The following FSTL5 variants were observed in gnomAD, a reference collection of about 807,000 sequenced individuals.
FSTL5 encodes the protein follistatin-related protein 5.
A neutral mutation model predicts 89.1 loss-of-function variants in FSTL5; 62 were observed. That is an observed-to-expected ratio of 0.70 (90% CI 0.57 to 0.86). The LOEUF (loss-of-function observed/expected upper bound fraction) is 0.86. FSTL5 is among the 40% of genes least tolerant of loss of function. FSTL5 has a pLI of 0.00. For synonymous variants in FSTL5, 383 were observed against 346.2 expected (o/e 1.11, Z -1.18); for missense variants, 1,057 against 1,001.6 (o/e 1.06, Z -0.75).
intron 4 of FSTL5, among the ~76,000 whole-genome samples, chr4:161,840,777 C>T (rs755792740): frequency 6.6e-6 from 1 of 152,062 alleles, no homozygotes; most frequent in Non-Finnish European, 1.5e-5. Context: ...AAGTTGGGGC[C>T]TTTTCCAGAT....
intron 3 of FSTL5, among the ~76,000 whole-genome samples, chr4:161,977,639 A>T (rs57698770): frequency 0.8 from 82,028 of 102,332 alleles, 33,232 homozygotes; most frequent in Middle Eastern, 0.9. Context: ...AAAAAAAAAA[A>T]AATAATAATA....
At chr4:161,778,980 A>G (rs1005386157) in intron 4 of FSTL5, among the ~76,000 whole-genome samples, 10 of 152,256 alleles carry the variant, frequency 6.6e-5, no homozygotes, top group Admixed American at 4.6e-4. Context: ...ATTTCTATCA[A>G]CTGCCAGTGG....
chr4:161,952,487 C>T (rs746288502), intron 3 of FSTL5, among the ~76,000 whole-genome samples: 8 of 151,834 alleles, frequency 5.3e-5, no homozygotes, highest in Non-Finnish European at 7.4e-5. Flanking sequence ...GCCAAAGCTT[C>T]AAAATATGTC....
At chr4:162,033,178 T>A (rs771801762) in intron 3 of FSTL5, among the ~76,000 whole-genome samples, 1 of 152,180 alleles carries the variant, frequency 6.6e-6, no homozygotes, top group South Asian at 2.1e-4. Flanking sequence ...TATGCCATAC[T>A]AGGAGCTATT....
chr4:161,726,443 G>T (rs912446782), intron 6 of FSTL5, among the ~76,000 whole-genome samples: 1 of 151,802 alleles, frequency 6.6e-6, no homozygotes, highest in Non-Finnish European at 1.5e-5. Context: ...GGTCAGGCTG[G>T]TCTGGAACTC....
chr4:161,976,520 C>G (rs773175154), intron 3 of FSTL5, among the ~76,000 whole-genome samples: 1 of 152,006 alleles, frequency 6.6e-6, no homozygotes, highest in Non-Finnish European at 1.5e-5. Context: ...CTTGCTCTGT[C>G]GCCCAGGCTG....
chr4:161,594,674 C>G (rs768484570), intron 7 of FSTL5, among the ~76,000 whole-genome samples: 3 of 151,898 alleles, frequency 2.0e-5, no homozygotes, highest in African/African-American at 7.2e-5. Context: ...CCAAAATTTT[C>G]TTTAATAAAC....
At chr4:161,914,746 T>C (rs916601837) in intron 4 of FSTL5, among the ~76,000 whole-genome samples, 1 of 152,120 alleles carries the variant, frequency 6.6e-6, no homozygotes, top group Non-Finnish European at 1.5e-5. Flanking sequence ...GAATATAAAC[T>C]CAAAAGAAAA....
In FSTL5 at chr4:161,450,498, T is replaced by C. The variant is rs145830820; in HGVS notation, c.1841+4506A>G. ...ATTAGCCATGTAATTTTTAAAAAGT[T>C]AACAATAGTAGAATTACAATATTAT... On this transcript the variant is annotated intron_variant, in intron 15 of 15. Coordinates refer to ENST00000306100, the MANE Select transcript of FSTL5 (RefSeq NM_020116.5). Among the ~76,000 whole-genome samples the C allele has an allele frequency of 2.0e-3, 312 of 152,280 alleles. 1 individual carries two copies. Among genetic ancestry groups the C allele is most frequent in the African/African-American group, 7.3e-3 (305 of 41,568 alleles).
At chr4:161,792,086 G>A (rs1233352351) in intron 4 of FSTL5, among the ~76,000 whole-genome samples, 2 of 152,116 alleles carry the variant, frequency 1.3e-5, no homozygotes, top group South Asian at 2.1e-4. Context: ...TCCATCCCCC[G>A]CAGGCTTGGA....
chr4:161,707,066 A>G (rs561218685), intron 6 of FSTL5, among the ~76,000 whole-genome samples: 1 of 151,704 alleles, frequency 6.6e-6, no homozygotes, highest in African/African-American at 2.4e-5. Flanking sequence ...TACCTGTTGT[A>G]ATGCACTTAT....
chr4:162,123,001 T>C (rs1275120391), intron 1 of FSTL5, among the ~76,000 whole-genome samples: 3 of 152,104 alleles, frequency 2.0e-5, no homozygotes, highest in East Asian at 1.9e-4. Flanking sequence ...TAAGGAAGAA[T>C]ACAGCTCTTA....
At chr4:162,015,382 C>T (rs1736887869) in intron 3 of FSTL5, among the ~76,000 whole-genome samples, 1 of 152,156 alleles carries the variant, frequency 6.6e-6, no homozygotes, top group Non-Finnish European at 1.5e-5. Flanking sequence ...TTAGCTCTTC[C>T]TTCAGTCATG....
Position 161,521,864 on chromosome 4 carries a change from AG to A in FSTL5, c.1313-11441del, listed in dbSNP as rs67200593. Among the ~76,000 whole-genome samples the A allele has an allele frequency of 2.0e-3, 255 of 126,404 alleles. 46 individuals are homozygous for A. The highest frequency in any genetic ancestry group is 4.3e-3 in the Middle Eastern group (1 of 232). The allele number at this position is 126,404 out of a possible 152,430, so 82.9% of individuals were successfully genotyped here. ...ACTCCACCTCAAAAAAAAAAAAAAA[AG>A]AAAAAAAAAGAAAAAAAGGTTATGA... On this transcript the variant is annotated intron_variant, in intron 10 of 15. Transcript: ENST00000306100.
intron 4 of FSTL5, among the ~76,000 whole-genome samples, chr4:161,822,750 G>T (rs1209884560): frequency 1.3e-5 from 2 of 152,174 alleles, no homozygotes; most frequent in South Asian, 2.1e-4. Flanking sequence ...TTTCAGGCCC[G>T]CATTCAGCAT....
Position 161,386,363 on chromosome 4 carries a change from T to C in FSTL5, c.1928A>G (p.Lys643Arg), listed in dbSNP as rs1730644100. 4 of 1,613,748 alleles carry C rather than the reference T, an allele frequency of 2.5e-6. No individual in the cohort carries two copies. The highest frequency in any genetic ancestry group is 1.3e-5 in the African/African-American group (1 of 74,920). ...TGACTGAGGAACGCACTTATAGTCC[T>C]TCAAGTTAATTGTCTTGATGTATGA... ...TMSYIKTINL[K>R]DYKCVPQSLA... Residue 643 changes from lysine to arginine, a missense_variant, in exon 16 of 16, where the codon AAG becomes AGG. Coordinates refer to ENST00000306100, the MANE Select transcript of FSTL5 (RefSeq NM_020116.5).
intron 4 of FSTL5, among the ~76,000 whole-genome samples, chr4:161,846,048 CAAA>C (rs34298769): frequency 2.8e-5 from 4 of 144,136 alleles, no homozygotes; most frequent in Non-Finnish European, 3.0e-5. Context: ...GACTCCGTCT[CAAA>C]AAAAAAAAAA....
intron 2 of FSTL5, among the ~76,000 whole-genome samples, chr4:162,085,526 CAT>C (rs10588750): frequency 3.3e-5 from 5 of 151,928 alleles, no homozygotes; most frequent in South Asian, 2.1e-4. Context: ...TGTGTGTATA[CAT>C]GTTTGCGTGT....
At chr4:161,584,288 C>G (rs1020885809) in intron 8 of FSTL5, among the ~76,000 whole-genome samples, 5 of 152,218 alleles carry the variant, frequency 3.3e-5, no homozygotes, top group Admixed American at 1.3e-4. Flanking sequence ...CGTCCTCATG[C>G]TCCTACACTG....
Sources: allele counts gnomAD v4.1 joint callset (sites outside exome capture counted in the v4.1 genomes callset), GRCh38; gene constraint gnomAD v4.1.1; transcripts MANE v1.5; gene names NCBI Gene and HGNC (gene_info 2026-07-23, HGNC 2026-07-21).